The following POU6F2 variants were observed in gnomAD, a reference collection of about 807,000 sequenced individuals.
The protein encoded by POU6F2 is POU class 6 homeobox 2, also known as POU domain, class 6, transcription factor 2.
Under a neutral mutation model 71.3 loss-of-function variants are expected in POU6F2, and 31 were observed. That is an observed-to-expected ratio of 0.43 (90% CI 0.33 to 0.59). The LOEUF is 0.59. POU6F2 is among the 20% of genes least tolerant of loss of function. POU6F2 has a pLI of 0.04. For synonymous variants in POU6F2, 347 were observed against 355.7 expected (o/e 0.98, Z 0.27); for missense variants, 783 against 856.8 (o/e 0.91, Z 1.07).
chr7:39,400,256 T>C (rs1787270610), intron 5 of POU6F2, among the ~76,000 whole-genome samples: 1 of 152,248 alleles, frequency 6.6e-6, no homozygotes, highest in South Asian at 2.1e-4. Context: ...CTACCCCTAT[T>C]ACTCAGAAAT....
intron 2 of POU6F2, among the ~76,000 whole-genome samples, chr7:39,103,530 C>T (rs543956448): frequency 6.6e-6 from 1 of 152,222 alleles, no homozygotes; most frequent in African/African-American, 2.4e-5. Flanking sequence ...GAGGCTGTGT[C>T]TAGCTGGTGT....
At chr7:39,389,765 A>G (rs1477804786) in intron 5 of POU6F2, among the ~76,000 whole-genome samples, 1 of 152,214 alleles carries the variant, frequency 6.6e-6, no homozygotes, top group African/African-American at 2.4e-5. Context: ...TAACAATTAT[A>G]TTAAGGCACA....
rs538499279 is a variant in POU6F2, at chr7:39,082,263, G to A, written c.106-3597G>A. Among the ~76,000 whole-genome samples the A allele has an allele frequency of 7.2e-5, 11 of 152,306 alleles. No individual in the cohort carries two copies. In the South Asian group the frequency reaches 2.3e-3, roughly 32 times the overall value. ...TCTTGGGTCTCTGATGGCCCCGTGA[G>A]TGTCCTGTATTGGCACATGCCACAT... On this transcript the variant is annotated intron_variant, in intron 1 of 9. Transcript: ENST00000518318.
chr7:39,051,208 G>T (rs1171879327), intron 1 of POU6F2, among the ~76,000 whole-genome samples: 1 of 152,064 alleles, frequency 6.6e-6, no homozygotes, highest in African/African-American at 2.4e-5. Context: ...TCATTGCTTA[G>T]AGTGAGTCTC....
intron 3 of POU6F2, 148 bp downstream of exon 3, chr7:39,204,474 A>G (rs980288557): frequency 1.0e-5 from 6 of 586,194 alleles, no homozygotes; most frequent in African/African-American, 1.9e-5. Flanking sequence ...CTGTATGACT[A>G]CATTATTTAT....
At chr7:39,333,851 C>T (rs1785708969) in intron 4 of POU6F2, among the ~76,000 whole-genome samples, 1 of 152,172 alleles carries the variant, frequency 6.6e-6, no homozygotes, top group African/African-American at 2.4e-5. Flanking sequence ...CTGCAGCTCC[C>T]TGTAGGGCTG....
At chr7:39,336,258 T>C (rs79679619) in intron 4 of POU6F2, among the ~76,000 whole-genome samples, 7,426 of 152,308 alleles carry the variant, frequency 0.049, 260 homozygotes, top group African/African-American at 0.1. Context: ...AGTTTCAGAA[T>C]TATTTCTTCA....
intron 4 of POU6F2, among the ~76,000 whole-genome samples, chr7:39,273,760 A>G (rs1784382888): frequency 6.6e-6 from 1 of 152,164 alleles, no homozygotes; most frequent in African/African-American, 2.4e-5. Flanking sequence ...GTAGATTGCA[A>G]TTTGTCACCT....
intron 5 of POU6F2, among the ~76,000 whole-genome samples, chr7:39,402,574 A>G (rs560840849): frequency 1.2e-4 from 19 of 152,268 alleles, no homozygotes; most frequent in Admixed American, 1.2e-3. Context: ...AAAACGTACT[A>G]TAAATAAGGT....
chr7:39,397,444 T>C (rs964033852), intron 5 of POU6F2, among the ~76,000 whole-genome samples: 2 of 145,186 alleles, frequency 1.4e-5, no homozygotes, highest in Admixed American at 1.4e-4. Flanking sequence ...TATTTATATA[T>C]AAAATATAGA....
intron 1 of POU6F2, among the ~76,000 whole-genome samples, chr7:39,070,030 G>A (rs1401398956): frequency 6.6e-6 from 1 of 152,126 alleles, no homozygotes; most frequent in Non-Finnish European, 1.5e-5. Flanking sequence ...TGATGTTAGG[G>A]ACTCACTCCC....
intron 3 of POU6F2, among the ~76,000 whole-genome samples, chr7:39,206,372 G>C (rs1794012356): frequency 6.6e-6 from 1 of 152,180 alleles, no homozygotes; most frequent in South Asian, 2.1e-4. Context: ...TACCAGAGAA[G>C]GGCTGTTCCA....
chr7:39,439,455 A>T (rs1788337352), intron 7 of POU6F2, among the ~76,000 whole-genome samples: 1 of 151,970 alleles, frequency 6.6e-6, no homozygotes, highest in East Asian at 1.9e-4. Flanking sequence ...TCATAGTGTC[A>T]TTGGTCTTTA....
At chr7:39,021,200 A>T (rs886193900) in intron 1 of POU6F2, among the ~76,000 whole-genome samples, 2 of 151,968 alleles carry the variant, frequency 1.3e-5, no homozygotes, top group African/African-American at 4.8e-5. Context: ...TACAATGTGG[A>T]ATGATTAAAA....
chr7:39,092,396 T>C (rs558113052), intron 2 of POU6F2, among the ~76,000 whole-genome samples: 2 of 152,302 alleles, frequency 1.3e-5, no homozygotes, highest in Admixed American at 1.3e-4. Flanking sequence ...ATTCATGCCA[T>C]TTCAGTCTTA....
intron 5 of POU6F2, among the ~76,000 whole-genome samples, chr7:39,393,845 A>G (rs1787123403): frequency 6.6e-6 from 1 of 152,196 alleles, no homozygotes; most frequent in Admixed American, 6.5e-5. Context: ...TATGCATAAC[A>G]TTTGTTACAA....
chr7:39,079,967 T>A (rs1791083096), intron 1 of POU6F2, among the ~76,000 whole-genome samples: 1 of 152,214 alleles, frequency 6.6e-6, no homozygotes, highest in South Asian at 2.1e-4. Flanking sequence ...AAAAGTGAAA[T>A]TTAAAATAAA....
chr7:39,019,781 T>G (rs752594068), intron 1 of POU6F2, among the ~76,000 whole-genome samples: 21 of 152,190 alleles, frequency 1.4e-4, no homozygotes, highest in Non-Finnish European at 2.6e-4. Flanking sequence ...TGCAACCTGT[T>G]CTTGTTTTGT....
chr7:39,216,208 G>A (rs921512475), intron 4 of POU6F2, among the ~76,000 whole-genome samples: 1 of 152,170 alleles, frequency 6.6e-6, no homozygotes, highest in Admixed American at 6.5e-5. Context: ...GTGTCCAACA[G>A]TCATTGCATT....
Sources: gnomAD v4.1 joint callset for allele counts (sites outside exome capture counted in the v4.1 genomes callset) on GRCh38, gnomAD v4.1.1 for gene constraint, MANE v1.5 for transcripts, NCBI Gene and HGNC (gene_info 2026-07-23, HGNC 2026-07-21) for gene names.